The following CUBN variants were observed in gnomAD, a reference collection of about 807,000 sequenced individuals.
CUBN encodes cubilin.
In CUBN, 282 loss-of-function variants were observed where a neutral mutation model predicts 405.3. The ratio of observed to expected loss-of-function variants is 0.70; its 90% confidence interval spans 0.63 to 0.77. The LOEUF (loss-of-function observed/expected upper bound fraction) is 0.77. Ranked by LOEUF, CUBN falls within the 30% of genes least tolerant of loss-of-function variation. CUBN has a pLI of 0.00. For missense variants in CUBN, 4,514 were observed against 4,475.2 expected (o/e 1.01, Z -0.25); for synonymous variants, 1,684 against 1,617.0 (o/e 1.04, Z -0.99).
At chr10:17,022,135 C>T (rs922691171) in intron 27 of CUBN, among the ~76,000 whole-genome samples, 1 of 152,156 alleles carries the variant, frequency 6.6e-6, no homozygotes, top group Non-Finnish European at 1.5e-5. Context: ...ACCCTTTGTG[C>T]CACTCCGTAG....
At chr10:17,010,643 A>G (rs1834155040) in intron 28 of CUBN, among the ~76,000 whole-genome samples, 1 of 152,062 alleles carries the variant, frequency 6.6e-6, no homozygotes, top group Non-Finnish European at 1.5e-5. Context: ...TATCTTGATA[A>G]ATAAATAAAT....
intron 44 of CUBN, among the ~76,000 whole-genome samples, 154 bp downstream of exon 44, chr10:16,919,809 G>A (rs1038000679): frequency 2.6e-5 from 4 of 152,182 alleles, no homozygotes; most frequent in East Asian, 1.9e-4. Flanking sequence ...GTGGCTGGCC[G>A]ACTGTGTTTT....
chr10:16,982,611 GA>G lies in CUBN; in HGVS notation c.4567del (p.Ser1523LeufsTer28). 6.2e-7 allele frequency: 1 copy of G among 1,613,604 alleles called. No individual in the cohort carries two copies. Among genetic ancestry groups the G allele is most frequent in the Non-Finnish European group, 8.5e-7 (1 of 1,179,554 alleles). Reference protein sequence around the residue: ...IFQAPSGEIHSPNYPSPYRSN... With the variant: ...IFQAPSGEIHXPNYPSPYRSN... ...CCTATAAGGACTGGGGTAATTTGGA[GA>G]ATGAATCTCTCCACTGGGAGCCTGG... On this transcript the variant is annotated frameshift_variant, in exon 31 of 67. Coordinates refer to ENST00000377833, the MANE Select transcript of CUBN (RefSeq NM_001081.4). LOFTEE classifies it high-confidence loss of function.
intron 17 of CUBN, among the ~76,000 whole-genome samples, chr10:17,074,044 G>A (rs1588625753): frequency 2.0e-5 from 3 of 152,232 alleles, no homozygotes; most frequent in South Asian, 2.1e-4. Flanking sequence ...ATATACCGCC[G>A]CTGTTCAGTA....
In CUBN at chr10:16,895,970, G is replaced by T. The variant is rs575940486; in HGVS notation, c.8598+3026C>A. On this transcript the variant is annotated intron_variant, in intron 54 of 66. Transcript: ENST00000377833. ...TATTTCTCTTTTCTTGATATCTTGG[G>T]GATTCCATTTTGATTGATATTAGCG... is the stretch of plus-strand genomic sequence containing the variant. Among the ~76,000 whole-genome samples the T allele has an allele frequency of 2.0e-5, 3 of 151,786 alleles. No individual in the cohort carries two copies. The South Asian group carries it at 6.3e-4, about 32-fold the overall frequency.
intron 15 of CUBN, among the ~76,000 whole-genome samples, chr10:17,087,483 T>TG (rs1836145581): frequency 7.8e-6 from 1 of 128,908 alleles, no homozygotes; most frequent in African/African-American, 2.7e-5. Flanking sequence ...TTTTTTTTTT[T>TG]TTTTTTTTTT....
At chr10:16,836,185 T>G in intron 63 of CUBN, 50 bp downstream of exon 63, 1 of 1,493,424 alleles carries the variant, frequency 6.7e-7, no homozygotes, top group Non-Finnish European at 9.3e-7. Flanking sequence ...CTACGAATAA[T>G]GGTAATGATG....
chr10:17,006,716 G>C (rs975044683), intron 28 of CUBN, among the ~76,000 whole-genome samples: 6 of 152,162 alleles, frequency 3.9e-5, no homozygotes, highest in African/African-American at 1.4e-4. Context: ...AGTCAAGAAG[G>C]CACTGGCTTA....
chr10:16,937,844 T>A, intron 38 of CUBN, 60 bp from the exon 39 acceptor site: 1 of 1,489,688 alleles, frequency 6.7e-7, no homozygotes. Context: ...CATAAAAAGA[T>A]AAAATAAAAA....
intron 51 of CUBN, among the ~76,000 whole-genome samples, chr10:16,902,771 GAA>G (rs1370749110): frequency 3.9e-5 from 6 of 152,182 alleles, no homozygotes; most frequent in Non-Finnish European, 8.8e-5. Context: ...GAGTGAAAGT[GAA>G]AGAGTGAAGT....
At chr10:16,946,747 T>C (rs1309689805) in intron 36 of CUBN, among the ~76,000 whole-genome samples, 1 of 152,106 alleles carries the variant, frequency 6.6e-6, no homozygotes, top group Admixed American at 6.5e-5. Flanking sequence ...CCACCCGCCT[T>C]GGCCTCCCAA....
At position 16,857,630 on chromosome 10, in the gene CUBN, T is replaced by C. The variant is rs557191940; in HGVS notation, c.9455-6187A>G. The stretch of plus-strand genomic sequence containing the variant: ...GGATTTGACAAAATCCAACACACAT[T>C]CATGATAAAAACTCTTGGCAAACTA... On this transcript the variant is annotated intron_variant, in intron 59 of 66. Transcript: ENST00000377833. 4.6e-5 allele frequency among the ~76,000 whole-genome samples: 7 copies of C among 152,298 alleles called. No homozygotes were observed. In the South Asian group the frequency reaches 1.4e-3, roughly 32 times the overall value.
At chr10:17,124,228 A>G (rs114428485) in intron 4 of CUBN, among the ~76,000 whole-genome samples, 3,772 of 152,136 alleles carry the variant, frequency 0.025, 163 homozygotes, top group African/African-American at 0.083. Flanking sequence ...CAGCTAAGAC[A>G]TATCTTTCAC....
At chr10:16,855,461 TATC>T (rs1839843875) in intron 59 of CUBN, among the ~76,000 whole-genome samples, 1 of 152,126 alleles carries the variant, frequency 6.6e-6, no homozygotes, top group South Asian at 2.1e-4. Flanking sequence ...TCCACTAAGA[TATC>T]ATGTGCTGAG....
At chr10:16,927,002 T>C (rs969189253) in intron 41 of CUBN, among the ~76,000 whole-genome samples, 1 of 151,950 alleles carries the variant, frequency 6.6e-6, no homozygotes, top group Admixed American at 6.6e-5. Flanking sequence ...CTTCTGAGTC[T>C]CCAAAGTCCA....
intron 56 of CUBN, among the ~76,000 whole-genome samples, chr10:16,881,473 A>G (rs942460293): frequency 1.3e-5 from 2 of 152,244 alleles, no homozygotes; most frequent in Non-Finnish European, 2.9e-5. Context: ...AAATGTCTGT[A>G]TTGAACAATA....
rs554556102 is a variant in CUBN, at chr10:16,940,382, A to T, written c.5343-145T>A. On this transcript the variant is annotated intron_variant, in intron 36 of 66. Transcript: ENST00000377833. Reference sequence around the variant, plus strand: ...CAACATTATTTGGCTGTCTCAAAAAATTTCTTTCACTCGGACTTGTTGAAA... The same window carrying T: ...CAACATTATTTGGCTGTCTCAAAAATTTTCTTTCACTCGGACTTGTTGAAA... The T allele has an allele frequency of 1.1e-4, 83 of 786,140 alleles. No homozygotes were observed. The East Asian group carries it at 2.1e-3, about 20-fold the overall frequency. 48.7% of individuals were successfully genotyped at this position (786,140 alleles called of 1,614,324 possible).
intron 54 of CUBN, among the ~76,000 whole-genome samples, chr10:16,891,802 G>A (rs1430896355): frequency 1.3e-5 from 2 of 152,010 alleles, no homozygotes; most frequent in African/African-American, 4.8e-5. Flanking sequence ...TGGGACCTCT[G>A]GCAAGGTTTG....
rs558936766 is a variant in CUBN, at chr10:17,004,804, G to T, written c.4169-14289C>A. ...CCTGCCTCAGCCTCCTGAGTAGCTA[G>T]GATTACAGGCACGCACCACCACAGC... On this transcript the variant is annotated intron_variant, in intron 28 of 66. Transcript: ENST00000377833. Among the ~76,000 whole-genome samples, 5 of 151,914 alleles carry T rather than the reference G, an allele frequency of 3.3e-5. No homozygotes were observed. In the East Asian group the frequency reaches 5.8e-4, roughly 18 times the overall value.
Sources: gnomAD v4.1 joint callset for allele counts (sites outside exome capture counted in the v4.1 genomes callset) on GRCh38, gnomAD v4.1.1 for gene constraint, MANE v1.5 for transcripts, NCBI Gene and HGNC (gene_info 2026-07-23, HGNC 2026-07-21) for gene names.